Variants in MTUS2 observed in about 807,000 individuals in gnomAD.
The protein encoded by MTUS2 is microtubule associated scaffold protein 2, also known as microtubule-associated tumor suppressor candidate 2.
A neutral mutation model predicts 114.1 loss-of-function variants in MTUS2; 40 were observed. That is an observed-to-expected ratio of 0.35 (90% CI 0.27 to 0.46). The LOEUF is 0.46. Ranked by LOEUF, MTUS2 falls within the 20% of genes least tolerant of loss-of-function variation. The pLI is 1.00. For missense variants in MTUS2, 1,679 were observed against 1,705.4 expected (o/e 0.98, Z 0.27); for synonymous variants, 688 against 672.0 (o/e 1.02, Z -0.37).
chr13:29,475,872 A>G (rs777750803), intron 9 of MTUS2, among the ~76,000 whole-genome samples: 6 of 152,180 alleles, frequency 3.9e-5, no homozygotes. Flanking sequence ...ATTTTTTTAA[A>G]TAAATTTAGT....
chr13:29,075,788 G>C (rs967105880), intron 4 of MTUS2, among the ~76,000 whole-genome samples: 11 of 152,268 alleles, frequency 7.2e-5, no homozygotes, highest in Admixed American at 7.2e-4. Context: ...TTTCCTGTTA[G>C]TGTCTGAACA....
intron 8 of MTUS2, among the ~76,000 whole-genome samples, chr13:29,375,733 A>G (rs1412344158): frequency 6.7e-6 from 1 of 149,586 alleles, no homozygotes; most frequent in Non-Finnish European, 1.5e-5. Flanking sequence ...AAGGGGGGTT[A>G]CTCAGTAATG....
At chr13:28,933,693 T>G (rs1343499955) in intron 2 of MTUS2, among the ~76,000 whole-genome samples, 1 of 152,202 alleles carries the variant, frequency 6.6e-6, no homozygotes, top group Non-Finnish European at 1.5e-5. Flanking sequence ...GTTTTATCCT[T>G]ACAGAAGCCC....
chr13:29,386,304 C>T (rs1872627676), intron 8 of MTUS2, among the ~76,000 whole-genome samples: 1 of 152,148 alleles, frequency 6.6e-6, no homozygotes, highest in Non-Finnish European at 1.5e-5. Context: ...CAGCCAGTGA[C>T]TTATAGCCCA....
chr13:28,927,242 C>T (rs1881374297), intron 2 of MTUS2, among the ~76,000 whole-genome samples: 1 of 152,066 alleles, frequency 6.6e-6, no homozygotes, highest in Non-Finnish European at 1.5e-5. Context: ...TTGCTGTTTG[C>T]AAAATGCTGT....
chr13:29,179,132 G>A (rs9508307), intron 5 of MTUS2, among the ~76,000 whole-genome samples: 112,095 of 151,586 alleles, frequency 0.74, 41,511 homozygotes, highest in East Asian at 0.8. Flanking sequence ...CCAAAGCTCA[G>A]AATATAGAGT....
chr13:29,129,147 A>G (rs544646199), intron 5 of MTUS2, among the ~76,000 whole-genome samples: 1 of 149,838 alleles, frequency 6.7e-6, no homozygotes, highest in African/African-American at 2.4e-5. Context: ...ATGATTACTC[A>G]TATATTCAGG....
At chr13:29,265,734 G>C (rs1897642152) in intron 5 of MTUS2, among the ~76,000 whole-genome samples, 1 of 152,006 alleles carries the variant, frequency 6.6e-6, no homozygotes, top group African/African-American at 2.4e-5. Context: ...GCAAGGAGGG[G>C]GTCTGCTACA....
In MTUS2 at chr13:29,153,494, C is replaced by T. The variant is rs544202275; in HGVS notation, c.2644+52524C>T. Among the ~76,000 whole-genome samples, 32 of 152,252 alleles carry T rather than the reference C, an allele frequency of 2.1e-4. No individual in the cohort carries two copies. In the South Asian group the frequency reaches 6.4e-3, roughly 31 times the overall value. Reference sequence around the variant, plus strand: ...ATATTAGCACTGCAAATGCTTTAAGCGAGGAGGGGGCAGGAACCTCCTAGT... The same window carrying T: ...ATATTAGCACTGCAAATGCTTTAAGTGAGGAGGGGGCAGGAACCTCCTAGT... On this transcript the variant is annotated intron_variant, in intron 5 of 15. Coordinates refer to ENST00000612955, the MANE Select transcript of MTUS2 (RefSeq NM_001033602.4).
rs114730613 is a variant in MTUS2, at chr13:29,465,266, G to A, written c.3185-14884G>A. On this transcript the variant is annotated intron_variant, in intron 9 of 15. Coordinates refer to ENST00000612955, the MANE Select transcript of MTUS2 (RefSeq NM_001033602.4). The stretch of plus-strand genomic sequence containing the variant: ...ATGAATTATCCCATTTAAACCTCAC[G>A]GTAGCCCTAGGAGGGAAGTCCTGGT... Among the ~76,000 whole-genome samples the A allele has an allele frequency of 2.2e-3, 337 of 152,226 alleles. 1 individual carries two copies. The highest frequency in any genetic ancestry group is 7.8e-3 in the African/African-American group (323 of 41,532).
chr13:29,170,034 G>A (rs570109754), intron 5 of MTUS2, among the ~76,000 whole-genome samples: 5 of 84,602 alleles, frequency 5.9e-5, no homozygotes, highest in African/African-American at 2.2e-4. Flanking sequence ...AAAAATCACA[G>A]TAGTGGTTGA....
intron 4 of MTUS2, among the ~76,000 whole-genome samples, chr13:29,100,370 G>A (rs116702245): frequency 8.0e-4 from 122 of 152,296 alleles, no homozygotes; most frequent in African/African-American, 2.9e-3. Context: ...ATGGTTCTTT[G>A]CCCATTGTAT....
chr13:29,501,441 C>A (rs1882896291), intron 15 of MTUS2, among the ~76,000 whole-genome samples: 2 of 152,158 alleles, frequency 1.3e-5, no homozygotes, highest in African/African-American at 4.8e-5. Flanking sequence ...CCTCCTGCAG[C>A]ACTGGGAGGG....
chr13:29,010,819 TC>T (rs1249050717), intron 2 of MTUS2, among the ~76,000 whole-genome samples: 1 of 152,114 alleles, frequency 6.6e-6, no homozygotes, highest in Non-Finnish European at 1.5e-5. Flanking sequence ...AACAGATTTA[TC>T]TGGTCAGGAG....
intron 5 of MTUS2, among the ~76,000 whole-genome samples, chr13:29,160,875 T>C (rs1893068218): frequency 6.6e-6 from 1 of 152,176 alleles, no homozygotes; most frequent in African/African-American, 2.4e-5. Context: ...CACAACAACC[T>C]TGATGAATCT....
At chr13:28,917,366 A>G (rs746645042) in intron 2 of MTUS2, among the ~76,000 whole-genome samples, 1 of 151,860 alleles carries the variant, frequency 6.6e-6, no homozygotes, top group Non-Finnish European at 1.5e-5. Context: ...TGTTTGATAG[A>G]AGTCAGCAGT....
intron 2 of MTUS2, among the ~76,000 whole-genome samples, chr13:28,901,643 G>A (rs754495370): frequency 1.3e-5 from 2 of 152,102 alleles, no homozygotes; most frequent in Non-Finnish European, 2.9e-5. Context: ...AATTGCTTTT[G>A]CTGTTATCAA....
intron 2 of MTUS2, among the ~76,000 whole-genome samples, chr13:28,940,066 C>T (rs1462266199): frequency 1.3e-5 from 2 of 152,130 alleles, no homozygotes; most frequent in African/African-American, 4.8e-5. Context: ...TCCCATGACA[C>T]GTGGGAATTA....
chr13:29,501,807 C>T (rs543962055), intron 15 of MTUS2, among the ~76,000 whole-genome samples: 21 of 150,318 alleles, frequency 1.4e-4, no homozygotes, highest in African/African-American at 3.9e-4. Context: ...ACACATAACT[C>T]GTGCATATGC....
Sources: gnomAD v4.1 joint callset for allele counts (sites outside exome capture counted in the v4.1 genomes callset) on GRCh38, gnomAD v4.1.1 for gene constraint, MANE v1.5 for transcripts, NCBI Gene and HGNC (gene_info 2026-07-23, HGNC 2026-07-21) for gene names.